The following GYG2 variants were observed in gnomAD, a reference collection of about 807,000 sequenced individuals.
GYG2 encodes the protein glycogenin 2, also known as glycogenin-2.
GYG2 carries 29 observed loss-of-function variants against 29.4 expected under a neutral mutation model. That is an observed-to-expected ratio of 0.99 (90% CI 0.74 to 1.35). The LOEUF (loss-of-function observed/expected upper bound fraction) is 1.35, where lower values mean the gene tolerates loss of function less well. Ranked by LOEUF, GYG2 falls within the 40% of genes most tolerant of loss-of-function variation. GYG2 has a pLI of 0.00. For missense variants in GYG2, 370 were observed against 385.7 expected, an observed-to-expected ratio of 0.96 and a Z score of 0.34; for synonymous variants, 167 against 172.3, an observed-to-expected ratio of 0.97 and a Z score of 0.24.
At chrX:2,853,124 C>T (rs2147194754) in intron 3 of GYG2, 1 of 111,945 alleles carries the variant, frequency 8.9e-6, no homozygotes, top group East Asian at 2.8e-4. Context: ...AAGTGATTCT[C>T]CTGCCTCAGC....
chrX:2,875,704 T>C, intron 8 of GYG2, 106 bp from the exon 9 acceptor site: 1 of 534,725 alleles, frequency 1.9e-6, no homozygotes, highest in Non-Finnish European at 3.2e-6. Context: ...TCAAGTTGTA[T>C]TTGCACCATA....
At chrX:2,872,537 T>C (rs2088497418) in intron 8 of GYG2, among the ~76,000 whole-genome samples, 1 of 112,597 alleles carries the variant, frequency 8.9e-6, no homozygotes, top group Non-Finnish European at 1.9e-5. Context: ...GATTAACACA[T>C]CTGCAGAAGG....
At chrX:2,853,858 T>C in intron 3 of GYG2, 122 bp from the exon 4 acceptor site, 1 of 504,185 alleles carries the variant, frequency 2.0e-6, no homozygotes, top group Admixed American at 2.9e-5. Flanking sequence ...CAGTGAGGGC[T>C]GTGGGGATTC....
chrX:2,869,547 G>A (rs189668338), intron 8 of GYG2, among the ~76,000 whole-genome samples: 2 of 112,435 alleles, frequency 1.8e-5, no homozygotes, highest in Non-Finnish European at 3.8e-5. Flanking sequence ...TTCATAAATC[G>A]CAATAATGTC....
chrX:2,838,936 A>C (rs1474923057), intron 2 of GYG2, among the ~76,000 whole-genome samples: 19 of 111,974 alleles, frequency 1.7e-4, no homozygotes, highest in Admixed American at 1.4e-3. Flanking sequence ...TTGAACTTCT[A>C]TTCCATGAAA....
At chrX:2,853,839 T>C (rs764610822) in intron 3 of GYG2, 141 bp from the exon 4 acceptor site, 2 of 464,624 alleles carry the variant, frequency 4.3e-6, no homozygotes, top group Non-Finnish European at 7.5e-6. Flanking sequence ...GCTCTGAACA[T>C]GGAGACCGCA....
rs899828052 is a variant in GYG2, at chrX:2,853,992, G to A, written c.162G>A (p.Ser54=). Residue 54 remains serine (S), a synonymous_variant, in exon 4 of 11, where the codon TCG becomes TCA. Coordinates refer to ENST00000398806, the MANE Select transcript of GYG2 (RefSeq NM_001079855.2). ...QVSSLLRVIL[S]KVFDEVIEVN... is the part of the protein sequence containing the mutation. ...ATGTCTGTTCCAGGGTCATCCTCTCGAAGGTGTTCGATGAAGTCATTGAAG... is the reference window on the plus strand; with the variant it reads ...ATGTCTGTTCCAGGGTCATCCTCTCAAAGGTGTTCGATGAAGTCATTGAAG... The A allele has an allele frequency of 8.3e-6, 10 of 1,199,303 alleles. No homozygotes were observed. In the African/African-American group the frequency reaches 8.8e-5, roughly 11 times the overall value.
chrX:2,876,273 T>C (rs1205709787), intron 9 of GYG2, among the ~76,000 whole-genome samples: 1 of 110,820 alleles, frequency 9.0e-6, no homozygotes, highest in African/African-American at 3.3e-5. Context: ...TTTTTTAAAC[T>C]TTTGATAGGA....
At chrX:2,865,307 C>T in intron 8 of GYG2, among the ~76,000 whole-genome samples, 1 of 111,375 alleles carries the variant, frequency 9.0e-6, no homozygotes, top group Non-Finnish European at 1.9e-5. Flanking sequence ...CCACACCAAT[C>T]TCTGCAAAAA....
At chrX:2,865,008 C>T (rs1202344420) in intron 8 of GYG2, among the ~76,000 whole-genome samples, 2 of 111,509 alleles carry the variant, frequency 1.8e-5, no homozygotes, top group African/African-American at 3.3e-5. Flanking sequence ...ATCCACCTGC[C>T]TCAGCCTCCC....
At chrX:2,845,779 G>GTA (rs997631097) in intron 3 of GYG2, among the ~76,000 whole-genome samples, 3 of 102,603 alleles carry the variant, frequency 2.9e-5, no homozygotes, top group South Asian at 4.2e-4. Context: ...GCATGTGTAT[G>GTA]TATATATATA....
chrX:2,880,023 A>C (rs981313742), intron 10 of GYG2, among the ~76,000 whole-genome samples: 1 of 112,059 alleles, frequency 8.9e-6, no homozygotes, highest in Non-Finnish European at 1.9e-5. Flanking sequence ...TAGATGATAG[A>C]TAGATAGATA....
chrX:2,866,822 TA>T (rs1372936908), intron 8 of GYG2, among the ~76,000 whole-genome samples: 9 of 62,305 alleles, frequency 1.4e-4, no homozygotes, highest in Admixed American at 3.4e-4. Context: ...TTTTAAAAAG[TA>T]AATTTTTTTT....
chrX:2,847,751 A>AAAT, intron 3 of GYG2, among the ~76,000 whole-genome samples: 1 of 96,718 alleles, frequency 1.0e-5, no homozygotes, highest in South Asian at 4.5e-4. Context: ...AATAAATAAA[A>AAAT]ATCCACATAG....
At chrX:2,868,044 T>A (rs1023556514) in intron 8 of GYG2, among the ~76,000 whole-genome samples, 3 of 110,689 alleles carry the variant, frequency 2.7e-5, no homozygotes, top group Admixed American at 1.9e-4. Context: ...TGCAGTGAGC[T>A]GAGATCACAC....
In GYG2 at chrX:2,844,754, G is replaced by A. The variant is rs112956913; in HGVS notation, c.149+1400G>A. ...CACACGCATGCGTATATGTGTATAC[G>A]CACACGTATGTGTATATGTACACGT... On this transcript the variant is annotated intron_variant, in intron 3 of 10. Coordinates refer to ENST00000398806, the MANE Select transcript of GYG2 (RefSeq NM_001079855.2). Among the ~76,000 whole-genome samples, 4 of 87,940 alleles carry A rather than the reference G, an allele frequency of 4.5e-5. 2 individuals carry two copies. Among genetic ancestry groups the A allele is most frequent in the African/African-American group, 2.0e-4 (4 of 20,443 alleles). The allele number at this position is 87,940 out of a possible 115,157, so 76.4% of individuals were successfully genotyped here. A position where few individuals can be genotyped will look rare whatever the true frequency, so the allele number is the denominator to read the frequency against.
At chrX:2,863,520 T>C (rs2088225014) in intron 8 of GYG2, among the ~76,000 whole-genome samples, 1 of 112,332 alleles carries the variant, frequency 8.9e-6, no homozygotes, top group Non-Finnish European at 1.9e-5. Flanking sequence ...GGGAGAGCCG[T>C]TTCTTGTTGC....
Position 2,861,604 on chromosome X carries a change from C to T in GYG2, c.920C>T (p.Ala307Val), listed in dbSNP as rs145000912. Residue 307 changes from alanine to valine, a missense_variant, in exon 8 of 11, where the codon GCG (alanine) becomes GTG (valine). Coordinates refer to ENST00000398806, the MANE Select transcript of GYG2 (RefSeq NM_001079855.2). ...GEPCENSTPS[A>V]GVPCANSPLG... is the part of the protein sequence containing the mutation. ...CCGTGTGAAAATTCAACACCCAGTG[C>T]GGGCGTGCCGTGTGCAAATTCACCA... is the stretch of plus-strand genomic sequence containing the variant. The T allele has an allele frequency of 1.1e-4, 136 of 1,203,639 alleles. No individual in the cohort carries two copies. In the East Asian group the frequency reaches 2.8e-3, roughly 25 times the overall value.
chrX:2,830,487 A>G (rs1406924889), intron 2 of GYG2, among the ~76,000 whole-genome samples: 1 of 112,314 alleles, frequency 8.9e-6, no homozygotes, highest in African/African-American at 3.2e-5. Context: ...TGGGAATAGC[A>G]TTGAACTGCC....
Sources: gnomAD v4.1 joint callset for allele counts (sites outside exome capture counted in the v4.1 genomes callset) on GRCh38, gnomAD v4.1.1 for gene constraint, MANE v1.5 for transcripts, NCBI Gene and HGNC (gene_info 2026-07-23, HGNC 2026-07-21) for gene names.